SCAI: variants seen among roughly 807,000 people sequenced by gnomAD.
SCAI encodes suppressor of cancer cell invasion.
SCAI carries 24 observed loss-of-function variants against 92.2 expected under a neutral mutation model. The observed-to-expected ratio is 0.26, with a 90% CI of 0.19 to 0.37. The LOEUF (loss-of-function observed/expected upper bound fraction) is 0.37. Among genes scored for constraint, SCAI ranks in the 10% least tolerant of loss-of-function variants. The pLI is 1.00. For synonymous variants in SCAI, 261 were observed against 258.6 expected (o/e 1.01, Z -0.09); for missense variants, 450 against 736.2 (o/e 0.61, Z 4.50).
intron 3 of SCAI, among the ~76,000 whole-genome samples, chr9:125,046,552 C>T (rs1014440587): frequency 6.7e-6 from 1 of 149,986 alleles, no homozygotes; most frequent in Admixed American, 6.7e-5. Flanking sequence ...GGGACTCTCA[C>T]GATAGGGTAG....
intron 17 of SCAI, among the ~76,000 whole-genome samples, chr9:124,966,699 C>G (rs1831548498): frequency 6.6e-6 from 1 of 151,748 alleles, no homozygotes; most frequent in African/African-American, 2.4e-5. Context: ...TTAAACACTT[C>G]CATCAGACTC....
chr9:125,003,744 T>C, intron 9 of SCAI, 174 bp from the exon 10 acceptor site: 1 of 590,160 alleles, frequency 1.7e-6, no homozygotes, highest in Non-Finnish European at 3.0e-6. Flanking sequence ...GGAAGAATTC[T>C]ACAGTGACAT....
intron 13 of SCAI, among the ~76,000 whole-genome samples, chr9:124,998,328 C>G (rs1410768809): frequency 2.0e-5 from 3 of 152,078 alleles, no homozygotes; most frequent in Non-Finnish European, 4.4e-5. Context: ...TGGTGGCCAC[C>G]TGTAATCCCA....
At chr9:125,065,054 A>G (rs1376421764) in intron 2 of SCAI, among the ~76,000 whole-genome samples, 1 of 152,218 alleles carries the variant, frequency 6.6e-6, no homozygotes, top group Non-Finnish European at 1.5e-5. Context: ...AGGTTAGGAA[A>G]TGAACAGCCA....
At chr9:125,078,249 G>T (rs1834136136) in intron 2 of SCAI, among the ~76,000 whole-genome samples, 1 of 152,048 alleles carries the variant, frequency 6.6e-6, no homozygotes, top group Non-Finnish European at 1.5e-5. Context: ...ACATTAGGCT[G>T]GGCGTGTTGG....
intron 1 of SCAI, 23 bp from the exon 2 acceptor site, chr9:125,142,700 G>T (rs752158765): frequency 6.2e-7 from 1 of 1,608,374 alleles, no homozygotes; most frequent in Non-Finnish European, 8.5e-7. Context: ...CAAATAAGAC[G>T]GTAACTAAAA....
At chr9:124,996,007 T>C (rs1480211800) in intron 13 of SCAI, among the ~76,000 whole-genome samples, 1 of 152,116 alleles carries the variant, frequency 6.6e-6, no homozygotes, top group Non-Finnish European at 1.5e-5. Flanking sequence ...TAAATGTAAA[T>C]TTATGAATGT....
intron 2 of SCAI, among the ~76,000 whole-genome samples, chr9:125,062,974 C>A (rs150906679): frequency 7.6e-5 from 11 of 145,340 alleles, no homozygotes; most frequent in Non-Finnish European, 1.0e-4. Context: ...GAGTCCAGAT[C>A]GCACCACTGC....
At chr9:125,002,189 C>A (rs553073769) in intron 11 of SCAI, 146 bp from the exon 12 acceptor site, 1 of 625,590 alleles carries the variant, frequency 1.6e-6, no homozygotes, top group African/African-American at 1.8e-5. Flanking sequence ...CTTCTTGGTC[C>A]TGACTTTAAA....
chr9:125,084,098 A>G (rs2131184760), intron 2 of SCAI, among the ~76,000 whole-genome samples: 1 of 150,146 alleles, frequency 6.7e-6, no homozygotes, highest in Non-Finnish European at 1.5e-5. Flanking sequence ...TAGTAAAAAA[A>G]ATTTTTTTTA....
At chr9:125,080,975 C>T (rs1281763832) in intron 2 of SCAI, among the ~76,000 whole-genome samples, 1 of 152,178 alleles carries the variant, frequency 6.6e-6, no homozygotes, top group East Asian at 1.9e-4. Context: ...AGGGGAGTTC[C>T]CCTGTACAAG....
chr9:125,088,417 G>A (rs569752879), intron 2 of SCAI, among the ~76,000 whole-genome samples: 12 of 152,152 alleles, frequency 7.9e-5, no homozygotes, highest in South Asian at 2.1e-4. Context: ...GTTTAGAAGT[G>A]TGTAGCACCT....
chr9:125,139,531 T>C (rs1361434979), intron 2 of SCAI, among the ~76,000 whole-genome samples: 1 of 152,238 alleles, frequency 6.6e-6, no homozygotes, highest in Non-Finnish European at 1.5e-5. Flanking sequence ...TTAATTCATC[T>C]TGAAGGTTCA....
intron 2 of SCAI, among the ~76,000 whole-genome samples, chr9:125,137,781 T>C (rs1835571240): frequency 6.6e-6 from 1 of 152,044 alleles, no homozygotes; most frequent in East Asian, 1.9e-4. Context: ...TTTGTATTTT[T>C]AGTAGAGATG....
At chr9:125,008,254 C>G (rs1832556223) in intron 9 of SCAI, among the ~76,000 whole-genome samples, 1 of 152,250 alleles carries the variant, frequency 6.6e-6, no homozygotes, top group African/African-American at 2.4e-5. Context: ...AAGTGATCCT[C>G]CTGCCTCAGT....
intron 3 of SCAI, among the ~76,000 whole-genome samples, chr9:125,041,160 A>G (rs1478935339): frequency 6.6e-6 from 1 of 152,206 alleles, no homozygotes; most frequent in East Asian, 1.9e-4. Flanking sequence ...CATTTTAAAA[A>G]TCCATTTCCA....
chr9:125,074,897 G>C (rs10986547), intron 2 of SCAI, among the ~76,000 whole-genome samples: 1 of 151,852 alleles, frequency 6.6e-6, no homozygotes, highest in Non-Finnish European at 1.5e-5. Context: ...CCAGCCACTC[G>C]GGAGGCTGAG....
chr9:125,042,502 C>T (rs1833334927), intron 3 of SCAI, among the ~76,000 whole-genome samples: 1 of 151,942 alleles, frequency 6.6e-6, no homozygotes, highest in African/African-American at 2.4e-5. Flanking sequence ...TATGGCATTA[C>T]ACTGTTCACC....
chr9:125,000,065 C>T, intron 12 of SCAI, 75 bp from the exon 13 acceptor site: 1 of 602,722 alleles, frequency 1.7e-6, no homozygotes, highest in African/African-American at 1.9e-5. Context: ...TACAAAGGTA[C>T]TGTGTGAATC....
Sources: gnomAD v4.1 joint callset for allele counts (sites outside exome capture counted in the v4.1 genomes callset) on GRCh38, gnomAD v4.1.1 for gene constraint, MANE v1.5 for transcripts, NCBI Gene and HGNC (gene_info 2026-07-23, HGNC 2026-07-21) for gene names.